SH3KBP1: variants seen among roughly 807,000 people sequenced by gnomAD.
SH3KBP1 encodes SH3 domain-containing kinase-binding protein 1.
SH3KBP1 carries 8 observed loss-of-function variants against 50.1 expected under a neutral mutation model. The observed-to-expected ratio is 0.16, with a 90% CI of 0.09 to 0.29. SH3KBP1 has a LOEUF of 0.29. SH3KBP1 is among the 10% of genes least tolerant of loss of function. The probability of loss-of-function intolerance (pLI) is 1.00; values close to 1 mark genes in which losing one functional copy is unlikely to be tolerated. For synonymous variants in SH3KBP1, 227 were observed against 218.6 expected, an observed-to-expected ratio of 1.04 and a Z score of -0.34; for missense variants, 377 against 535.2, an observed-to-expected ratio of 0.70 and a Z score of 2.92.
chrX:19,863,035 G>A (rs2147515446), intron 1 of SH3KBP1, among the ~76,000 whole-genome samples: 1 of 111,985 alleles, frequency 8.9e-6, no homozygotes, highest in East Asian at 2.8e-4. Context: ...GGACTGTCAG[G>A]GGCCATTGTC....
At chrX:19,779,622 C>A (rs1388352136) in intron 2 of SH3KBP1, among the ~76,000 whole-genome samples, 2 of 90,967 alleles carry the variant, frequency 2.2e-5, no homozygotes, top group East Asian at 3.7e-4. Flanking sequence ...ATTCCCCTTC[C>A]TGTGTCCATG....
At position 19,554,025 on chromosome X, in the gene SH3KBP1, AAATAT is replaced by A. The variant is rs1429243120; in HGVS notation, c.1385-3947_1385-3943del. Among the ~76,000 whole-genome samples, 15 of 63,707 alleles carry A rather than the reference AAATAT, an allele frequency of 2.4e-4. 1 individual carries two copies. Among genetic ancestry groups the A allele is most frequent in the African/African-American group, 4.8e-4 (5 of 10,509 alleles). The allele number at this position is 63,707 out of a possible 115,157, so 55.3% of individuals were successfully genotyped here. A position where few individuals can be genotyped will look rare whatever the true frequency, so the allele number is the denominator to read the frequency against. On this transcript the variant is annotated intron_variant, in intron 13 of 17. Coordinates refer to ENST00000397821, the MANE Select transcript of SH3KBP1 (RefSeq NM_031892.3). ...AAAATATAATATATAATATATATTA[AAATAT>A]AATATATAATATATATTAAAATATA...
At chrX:19,769,506 A>G (rs2065721752) in intron 2 of SH3KBP1, among the ~76,000 whole-genome samples, 1 of 111,102 alleles carries the variant, frequency 9.0e-6, no homozygotes, top group African/African-American at 3.3e-5. Flanking sequence ...ACAAAAAGAA[A>G]TTCTGTCTTA....
chrX:19,557,477 T>C (rs760325169), intron 13 of SH3KBP1, among the ~76,000 whole-genome samples: 11 of 112,251 alleles, frequency 9.8e-5, no homozygotes, highest in Middle Eastern at 4.6e-3. Context: ...GTTTTGAAAA[T>C]GAATGTACAA....
chrX:19,683,272 T>C (rs761803611), intron 6 of SH3KBP1: 119 of 357,480 alleles, frequency 3.3e-4, no homozygotes, highest in Non-Finnish European at 5.1e-4. Flanking sequence ...AACAGCCAGC[T>C]TCCTGAAGGG....
At chrX:19,714,525 A>G (rs777685497) in intron 3 of SH3KBP1, among the ~76,000 whole-genome samples, 1 of 111,571 alleles carries the variant, frequency 9.0e-6, no homozygotes, top group Admixed American at 9.5e-5. Context: ...AAAGAAAATA[A>G]AATGTGGTAT....
intron 2 of SH3KBP1, among the ~76,000 whole-genome samples, chrX:19,805,687 C>T (rs2067024406): frequency 9.1e-6 from 1 of 110,490 alleles, no homozygotes; most frequent in African/African-American, 3.3e-5. Context: ...AATGCTATAC[C>T]ATAGTACAAT....
intron 12 of SH3KBP1, among the ~76,000 whole-genome samples, chrX:19,580,704 G>A (rs1167405508): frequency 1.8e-5 from 2 of 111,382 alleles, no homozygotes; most frequent in East Asian, 5.6e-4. Context: ...GCCCAGGTGT[G>A]AGCACTGCTG....
At chrX:19,649,206 C>T (rs775203827) in intron 6 of SH3KBP1, among the ~76,000 whole-genome samples, 5 of 111,939 alleles carry the variant, frequency 4.5e-5, no homozygotes, top group South Asian at 7.5e-4. Flanking sequence ...GGCTTATCCA[C>T]GACAAACACC....
At chrX:19,634,176 G>C (rs1163699398) in intron 7 of SH3KBP1, among the ~76,000 whole-genome samples, 1 of 107,245 alleles carries the variant, frequency 9.3e-6, no homozygotes, top group Non-Finnish European at 1.9e-5. Flanking sequence ...TGGAGAGACA[G>C]AGAGAGAGAG....
At chrX:19,798,371 A>G (rs1367570009) in intron 2 of SH3KBP1, among the ~76,000 whole-genome samples, 1 of 110,580 alleles carries the variant, frequency 9.0e-6, no homozygotes, top group African/African-American at 3.3e-5. Context: ...ACAGGCATAA[A>G]CCATTGTGCC....
chrX:19,614,487 C>T (rs186090935), intron 8 of SH3KBP1, among the ~76,000 whole-genome samples: 130 of 112,016 alleles, frequency 1.2e-3, no homozygotes, highest in African/African-American at 4.2e-3. Context: ...GCTCTCACAC[C>T]TGTCTGCACA....
chrX:19,834,052 C>G (rs2067991609), intron 2 of SH3KBP1, among the ~76,000 whole-genome samples: 1 of 111,598 alleles, frequency 9.0e-6, no homozygotes, highest in Admixed American at 9.5e-5. Context: ...AGCATGTTCC[C>G]TACAAAACTC....
chrX:19,796,015 C>A (rs1057251251), intron 2 of SH3KBP1, among the ~76,000 whole-genome samples: 1 of 111,488 alleles, frequency 9.0e-6, no homozygotes, highest in African/African-American at 3.3e-5. Context: ...CGGTGGGCCA[C>A]GTAATCAGTT....
chrX:19,764,368 T>C (rs1415144871), intron 2 of SH3KBP1, among the ~76,000 whole-genome samples: 1 of 111,382 alleles, frequency 9.0e-6, no homozygotes, highest in Non-Finnish European at 1.9e-5. Flanking sequence ...ATGACTAAAT[T>C]TGGTCATTTC....
At chrX:19,671,873 C>A (rs779229209) in intron 6 of SH3KBP1, among the ~76,000 whole-genome samples, 1 of 112,455 alleles carries the variant, frequency 8.9e-6, no homozygotes, top group Admixed American at 9.4e-5. Flanking sequence ...GCCAAGTAAA[C>A]AGTATCCTTA....
chrX:19,643,300 A>ATTTTTTT lies in SH3KBP1; in HGVS notation c.802+2099_802+2100insAAAAAAA, dbSNP rs201544483. 2.1e-3 allele frequency among the ~76,000 whole-genome samples: 180 copies of ATTTTTTT among 86,866 alleles called. 22 individuals are homozygous for ATTTTTTT. The highest frequency in any genetic ancestry group is 3.7e-3 in the African/African-American group (64 of 17,416). The allele number at this position is 86,866 out of a possible 115,157, so 75.4% of individuals were successfully genotyped here. On this transcript the variant is annotated intron_variant, in intron 7 of 17. Transcript: ENST00000397821. ...AGTGTGTGTGGGCTGAAACTGAAGA[A>ATTTTTTT]TTTTTTATTTTTTTTTTTTTTATTT...
rs778516550 is a variant in SH3KBP1, at chrX:19,743,516, T to C, written c.286+2802A>G. ...CCCCTAAATCAACTCTGCAGACGTT[T>C]ACAAACGTTAAAGCTGAAAAGTGAA... On this transcript the variant is annotated intron_variant, in intron 3 of 17. Transcript: ENST00000397821. Among the ~76,000 whole-genome samples the C allele has an allele frequency of 8.9e-5, 10 of 112,128 alleles. 1 individual carries two copies. The East Asian group carries it at 2.8e-3, about 31-fold the overall frequency.
intron 2 of SH3KBP1, among the ~76,000 whole-genome samples, chrX:19,776,720 T>G (rs922779400): frequency 3.7e-5 from 4 of 107,850 alleles, no homozygotes; most frequent in Admixed American, 1.0e-4. Flanking sequence ...GCTAATTTTT[T>G]CTTTTTAATT....
Sources: allele counts gnomAD v4.1 joint callset (sites outside exome capture counted in the v4.1 genomes callset), GRCh38; gene constraint gnomAD v4.1.1; transcripts MANE v1.5; gene names NCBI Gene and HGNC (gene_info 2026-07-23, HGNC 2026-07-21).